The following IFT74 variants were observed in gnomAD, a reference collection of about 807,000 sequenced individuals.
IFT74 encodes intraflagellar transport 74.
Under a neutral mutation model 96.7 loss-of-function variants are expected in IFT74, and 92 were observed. That is an observed-to-expected ratio of 0.95 (90% CI 0.80 to 1.13). The LOEUF (loss-of-function observed/expected upper bound fraction) is 1.13, where lower values mean the gene tolerates loss of function less well. Ranked by LOEUF, IFT74 falls within the 50% of genes most tolerant of loss-of-function variation. The pLI, the probability that IFT74 is intolerant of heterozygous loss-of-function variation, is 0.00. For synonymous variants in IFT74, 223 were observed against 213.2 expected (o/e 1.05, Z -0.40); for missense variants, 811 against 698.2 (o/e 1.16, Z -1.82).
intron 4 of IFT74, 145 bp downstream of exon 4, chr9:26,980,764 T>G: frequency 1.7e-6 from 1 of 572,374 alleles, no homozygotes; most frequent in Non-Finnish European, 3.1e-6. Flanking sequence ...TAAAAATTAT[T>G]TTGTATTCTA....
At chr9:27,059,331 G>A (rs574854932) in intron 18 of IFT74, among the ~76,000 whole-genome samples, 1 of 152,112 alleles carries the variant, frequency 6.6e-6, no homozygotes, top group African/African-American at 2.4e-5. Context: ...AAACTAGTTA[G>A]GGAAAAACAG....
chr9:26,966,409 A>T (rs745439775), intron 2 of IFT74, among the ~76,000 whole-genome samples: 3 of 151,898 alleles, frequency 2.0e-5, no homozygotes, highest in Non-Finnish European at 2.9e-5. Context: ...TTTGATTTGC[A>T]TTTCTCTGAT....
intron 12 of IFT74, among the ~76,000 whole-genome samples, chr9:27,023,353 G>T (rs564206420): frequency 6.6e-6 from 1 of 152,014 alleles, no homozygotes; most frequent in South Asian, 2.1e-4. Flanking sequence ...ATTTTGCTGA[G>T]GGTTTTAATC....
At chr9:26,994,158 T>A (rs1200606516) in intron 8 of IFT74, 1 of 152,190 alleles carries the variant, frequency 6.6e-6, no homozygotes, top group Non-Finnish European at 1.5e-5. Context: ...GGTTTTGTTG[T>A]CAAGTAAGTT....
chr9:27,055,349 ATGTT>A (rs1820113745), intron 16 of IFT74, among the ~76,000 whole-genome samples: 2 of 152,134 alleles, frequency 1.3e-5, no homozygotes, highest in African/African-American at 4.8e-5. Flanking sequence ...AAAAACTTAA[ATGTT>A]TGTTAGCATG....
intron 8 of IFT74, chr9:26,993,993 A>G (rs371648372): frequency 6.6e-6 from 1 of 152,226 alleles, no homozygotes. Flanking sequence ...TTGATAAATT[A>G]TTAAATTGTG....
chr9:26,983,200 A>G, intron 4 of IFT74, among the ~76,000 whole-genome samples: 1 of 152,226 alleles, frequency 6.6e-6, no homozygotes. Context: ...CTCAAAGCTA[A>G]GAGTAGTAAG....
intron 12 of IFT74, among the ~76,000 whole-genome samples, chr9:27,026,890 C>A (rs1267124393): frequency 6.6e-6 from 1 of 152,078 alleles, no homozygotes; most frequent in Non-Finnish European, 1.5e-5. Flanking sequence ...CACAAATAGA[C>A]AATCTAACGT....
chr9:26,959,237 T>C (rs1201113751), intron 1 of IFT74, among the ~76,000 whole-genome samples: 3 of 152,138 alleles, frequency 2.0e-5, no homozygotes, highest in African/African-American at 7.2e-5. Context: ...GCCTCCCGAT[T>C]GGCTGGGACT....
intron 13 of IFT74, among the ~76,000 whole-genome samples, chr9:27,043,603 C>T (rs1819568045): frequency 6.6e-6 from 1 of 152,222 alleles, no homozygotes; most frequent in Admixed American, 6.5e-5. Context: ...ATTTTTGTCT[C>T]TTTAGACATG....
In IFT74 at chr9:26,948,445, A is replaced by ATTTTTTTTTTT. The variant is rs1554662864; in HGVS notation, c.-20+1301_-20+1302insTTTTTTTTTTT. Among the ~76,000 whole-genome samples the ATTTTTTTTTTT allele has an allele frequency of 1.1e-4, 5 of 47,316 alleles. 1 individual carries two copies. The highest frequency in any genetic ancestry group is 1.4e-3 in the South Asian group (2 of 1,466). 31.0% of individuals were successfully genotyped at this position (47,316 alleles called of 152,430 possible). A position where few individuals can be genotyped will look rare whatever the true frequency, so the allele number is the denominator to read the frequency against. Reference sequence around the variant, plus strand: ...GTTTGACAACCTGTGATGGCTTTCCATTATTTTTTTTTTTTTTTTTTTTTT... The same window carrying ATTTTTTTTTTT: ...GTTTGACAACCTGTGATGGCTTTCCATTTTTTTTTTTTTATTTTTTTTTTTTTTTTTTTTTT... On this transcript the variant is annotated intron_variant, in intron 1 of 19. Transcript: ENST00000433700.
At chr9:27,012,065 C>A in intron 10 of IFT74, 97 bp downstream of exon 10, 1 of 687,874 alleles carries the variant, frequency 1.5e-6, no homozygotes, top group Non-Finnish European at 2.3e-6. Context: ...ACATATTGAT[C>A]TGGCAGCTTA....
chr9:27,048,324 A>C, intron 16 of IFT74, 50 bp downstream of exon 16: 2 of 1,237,752 alleles, frequency 1.6e-6, no homozygotes, highest in South Asian at 3.3e-5. Flanking sequence ...AAATATATCA[A>C]TGTTATTCTC....
At chr9:26,976,412 T>C (rs1487412074) in intron 2 of IFT74, among the ~76,000 whole-genome samples, 3 of 152,092 alleles carry the variant, frequency 2.0e-5, no homozygotes, top group African/African-American at 4.8e-5. Flanking sequence ...GAAAGTAGAG[T>C]AGAAGCTTTT....
chr9:26,958,742 G>A (rs185952382), intron 1 of IFT74, among the ~76,000 whole-genome samples: 42 of 152,262 alleles, frequency 2.8e-4, no homozygotes, highest in South Asian at 8.3e-4. Flanking sequence ...TATAAACACC[G>A]CAAGCTGAGT....
chr9:26,955,454 C>T (rs182645580), upstream of IFT74, among the ~76,000 whole-genome samples: 22 of 152,210 alleles, frequency 1.4e-4, no homozygotes, highest in Non-Finnish European at 2.8e-4. Flanking sequence ...ATACTCATGT[C>T]CCAGTAATAA....
At chr9:26,997,902 A>G in intron 8 of IFT74, 3 of 1,614,178 alleles carry the variant, frequency 1.9e-6, no homozygotes, top group Non-Finnish European at 1.7e-6. Flanking sequence ...AGAGGCACAA[A>G]TACATCAGCA....
chr9:27,005,506 C>T (rs1466916954), intron 8 of IFT74: 2 of 151,260 alleles, frequency 1.3e-5, no homozygotes, highest in African/African-American at 2.4e-5. Flanking sequence ...TTCTTAAAGG[C>T]AAAGATGGTT....
intron 19 of IFT74, among the ~76,000 whole-genome samples, 161 bp downstream of exon 19, chr9:27,060,812 CAT>C (rs1820383675): frequency 6.6e-6 from 1 of 151,172 alleles, no homozygotes; most frequent in Non-Finnish European, 1.5e-5. Flanking sequence ...ACAAAAAAAA[CAT>C]AGCCGGGCGT....
Sources: gnomAD v4.1 joint callset for allele counts (sites outside exome capture counted in the v4.1 genomes callset) on GRCh38, gnomAD v4.1.1 for gene constraint, MANE v1.5 for transcripts, NCBI Gene and HGNC (gene_info 2026-07-23, HGNC 2026-07-21) for gene names.